Variants in LYPD6 observed in about 807,000 individuals in gnomAD.
LYPD6 encodes LY6/PLAUR domain containing 6.
LYPD6 carries 15 observed loss-of-function variants against 22.7 expected under a neutral mutation model. The observed-to-expected ratio is 0.66, with a 90% CI of 0.44 to 1.02. LYPD6 has a LOEUF of 1.02. Ranked by LOEUF, LYPD6 falls within the 50% of genes least tolerant of loss-of-function variation. The pLI is 0.00. For synonymous variants in LYPD6, 72 were observed against 77.5 expected (o/e 0.93, Z 0.37); for missense variants, 189 against 208.4 (o/e 0.91, Z 0.57).
chr2:149,420,543 C>T (rs1683055547), intron 1 of LYPD6, among the ~76,000 whole-genome samples: 1 of 152,108 alleles, frequency 6.6e-6, no homozygotes, highest in Admixed American at 6.6e-5. Context: ...TGGAGTATTT[C>T]AAGGGTAACA....
At chr2:149,477,744 C>A (rs997666929), downstream of LYPD6, among the ~76,000 whole-genome samples, 1 of 151,500 alleles carries the variant, frequency 6.6e-6, no homozygotes, top group East Asian at 1.9e-4. Context: ...TGAAAACAAC[C>A]AGAGTATAAG....
chr2:149,338,045 G>A (rs1681071989), intron 1 of LYPD6, among the ~76,000 whole-genome samples: 1 of 142,294 alleles, frequency 7.0e-6, no homozygotes, highest in African/African-American at 2.5e-5. Flanking sequence ...GAGCATTTAG[G>A]TTGATTCCAT....
At chr2:149,414,985 A>G (rs763363290) in intron 1 of LYPD6, among the ~76,000 whole-genome samples, 10 of 152,198 alleles carry the variant, frequency 6.6e-5, no homozygotes, top group Admixed American at 1.3e-4. Flanking sequence ...ATCTTACAAT[A>G]AAAGTACAGA....
intron 1 of LYPD6, among the ~76,000 whole-genome samples, chr2:149,346,010 C>T (rs778177182): frequency 7.2e-5 from 11 of 152,040 alleles, no homozygotes; most frequent in African/African-American, 1.2e-4. Context: ...TTACTAGTCT[C>T]AAGCCCTGGC....
At chr2:149,379,514 TC>T (rs545808407) in intron 1 of LYPD6, among the ~76,000 whole-genome samples, 101 of 152,354 alleles carry the variant, frequency 6.6e-4, no homozygotes, top group African/African-American at 2.3e-3. Context: ...CTGGGTTAGT[TC>T]CTATTAGATT....
At chr2:149,351,715 CA>C (rs1371725948) in intron 1 of LYPD6, among the ~76,000 whole-genome samples, 1 of 152,132 alleles carries the variant, frequency 6.6e-6, no homozygotes, top group Admixed American at 6.5e-5. Context: ...ATAGATAGCA[CA>C]GGACATAAAA....
chr2:149,346,978 C>T (rs933032759), intron 1 of LYPD6, among the ~76,000 whole-genome samples: 3 of 152,174 alleles, frequency 2.0e-5, no homozygotes, highest in Admixed American at 6.5e-5. Context: ...GAATTACAGG[C>T]GTGAGCCACT....
chr2:149,479,534 C>T, the LYPD6 span, among the ~76,000 whole-genome samples: 1 of 152,222 alleles, frequency 6.6e-6, no homozygotes, highest in Non-Finnish European at 1.5e-5. Flanking sequence ...AGGCTCACCT[C>T]GTCTAGTGTC....
chr2:149,380,506 T>C (rs902938855), intron 1 of LYPD6, among the ~76,000 whole-genome samples: 1 of 152,116 alleles, frequency 6.6e-6, no homozygotes, highest in Non-Finnish European at 1.5e-5. Flanking sequence ...GAGTCAAGGA[T>C]AGTCCAAGCA....
intron 1 of LYPD6, among the ~76,000 whole-genome samples, chr2:149,402,831 T>A (rs1682592260): frequency 6.6e-6 from 1 of 151,832 alleles, no homozygotes; most frequent in Non-Finnish European, 1.5e-5. Flanking sequence ...CTGCACCCAT[T>A]AACTCGTCAT....
the LYPD6 span, among the ~76,000 whole-genome samples, chr2:149,481,352 G>A: frequency 6.6e-6 from 1 of 152,176 alleles, no homozygotes; most frequent in African/African-American, 2.4e-5. Flanking sequence ...CGTAAAACTA[G>A]CATCTCTTGC....
intron 1 of LYPD6, among the ~76,000 whole-genome samples, chr2:149,419,919 G>C (rs1366038507): frequency 6.6e-6 from 1 of 152,100 alleles, no homozygotes; most frequent in Admixed American, 6.6e-5. Context: ...AAATTGTATG[G>C]TTTTGATATT....
At chr2:149,456,938 A>T (rs186492756) in intron 3 of LYPD6, among the ~76,000 whole-genome samples, 1 of 152,302 alleles carries the variant, frequency 6.6e-6, no homozygotes, top group African/African-American at 2.4e-5. Flanking sequence ...ATTATGTGAG[A>T]TTCATCCATT....
intron 1 of LYPD6, among the ~76,000 whole-genome samples, chr2:149,413,909 A>G (rs968516033): frequency 3.9e-5 from 6 of 152,242 alleles, no homozygotes; most frequent in Non-Finnish European, 8.8e-5. Context: ...CGTGATCAAT[A>G]AGAACATATC....
chr2:149,395,730 A>T (rs1682414654), intron 1 of LYPD6, among the ~76,000 whole-genome samples: 1 of 152,044 alleles, frequency 6.6e-6, no homozygotes, highest in African/African-American at 2.4e-5. Flanking sequence ...CTGGCATTTG[A>T]TTGTTTGGAA....
chr2:149,330,549 C>G (rs1433969208), upstream of LYPD6: 5 of 150,260 alleles, frequency 3.3e-5, no homozygotes, highest in Admixed American at 3.3e-4. Context: ...GTGGCGCGCG[C>G]GCCCCTAGCC....
At chr2:149,412,745 T>C (rs957839682) in intron 1 of LYPD6, among the ~76,000 whole-genome samples, 2 of 152,206 alleles carry the variant, frequency 1.3e-5, no homozygotes, top group African/African-American at 2.4e-5. Context: ...GTCAACTTTT[T>C]TTAAGCAAAA....
chr2:149,360,459 C>A (rs1475049498), intron 1 of LYPD6, among the ~76,000 whole-genome samples: 1 of 152,226 alleles, frequency 6.6e-6, no homozygotes, highest in East Asian at 1.9e-4. Context: ...CTACCATGCA[C>A]TTGAGCTAGT....
intron 1 of LYPD6, among the ~76,000 whole-genome samples, chr2:149,366,451 A>G (rs1681667797): frequency 6.6e-6 from 1 of 152,188 alleles, no homozygotes; most frequent in South Asian, 2.1e-4. Flanking sequence ...GAGCGAGAAT[A>G]AAGAGCCCCA....
Sources: gnomAD v4.1 joint callset for allele counts (sites outside exome capture counted in the v4.1 genomes callset) on GRCh38, gnomAD v4.1.1 for gene constraint, MANE v1.5 for transcripts, NCBI Gene and HGNC (gene_info 2026-07-23, HGNC 2026-07-21) for gene names.